CD44: variants seen among roughly 807,000 people sequenced by gnomAD.
CD44 encodes CD44 antigen.
In CD44, 49 loss-of-function variants were observed where a neutral mutation model predicts 88.8. The ratio of observed to expected loss-of-function variants is 0.55; its 90% confidence interval spans 0.44 to 0.70. The LOEUF is 0.70. Ranked by LOEUF, CD44 falls within the 30% of genes least tolerant of loss-of-function variation. The pLI, the probability that CD44 is intolerant of heterozygous loss-of-function variation, is 0.00. For missense variants in CD44, 883 were observed against 913.8 expected, an observed-to-expected ratio of 0.97 and a Z score of 0.43; for synonymous variants, 325 against 312.3, an observed-to-expected ratio of 1.04 and a Z score of -0.43.
chr11:35,140,916 G>A (rs1274865383), intron 1 of CD44, among the ~76,000 whole-genome samples: 14 of 152,008 alleles, frequency 9.2e-5, no homozygotes. Context: ...AGCTGCTTGG[G>A]ACGCTGAGGC....
intron 1 of CD44, among the ~76,000 whole-genome samples, chr11:35,154,178 G>A (rs1286798568): frequency 2.6e-5 from 4 of 152,212 alleles, no homozygotes; most frequent in East Asian, 1.9e-4. Context: ...CATTGGTTTA[G>A]AGACAAATCT....
At position 35,204,589 on chromosome 11, in the gene CD44, G is replaced by A. The variant is rs1947644515; in HGVS notation, c.1231G>A (p.Gly411Arg). 1.2e-6 allele frequency: 2 copies of A among 1,612,932 alleles called. No homozygotes were observed. Among genetic ancestry groups the A allele is most frequent in the Non-Finnish European group, 1.7e-6 (2 of 1,179,030 alleles). ...EQWFGNRWHE[G>R]YRQTPKEDSH... ...GTGGTTTGGCAACAGATGGCATGAG[G>A]GATATCGCCAAACACCCAAAGAAGA... The change falls in exon 10 of 18, where the codon GGA (glycine) becomes AGA (arginine). Residue 411 changes from glycine (G) to arginine (R), a missense_variant. Gly to Arg is a moderately radical substitution (Grantham distance 125). Coordinates refer to ENST00000428726, the MANE Select transcript of CD44 (RefSeq NM_000610.4).
chr11:35,223,126 A>G, intron 17 of CD44: 2 of 985,430 alleles, frequency 2.0e-6, no homozygotes, highest in Non-Finnish European at 2.4e-6. Flanking sequence ...AAAAGTAGTT[A>G]TGCTACCTGA....
At position 35,215,305 on chromosome 11, in the gene CD44, G is replaced by T. The variant is rs182691308; in HGVS notation, c.1873+391G>T. Among the ~76,000 whole-genome samples the T allele has an allele frequency of 2.4e-4, 37 of 152,294 alleles. 1 individual carries two copies. The East Asian group carries it at 6.2e-3, about 25-fold the overall frequency. Reference sequence around the variant, plus strand: ...AGAGCTTGAGCTTTGTAGCAAAAATGGCCTGAGTTCGATTCCAGCCCTCCG... The same window carrying T: ...AGAGCTTGAGCTTTGTAGCAAAAATTGCCTGAGTTCGATTCCAGCCCTCCG... On this transcript the variant is annotated intron_variant, in intron 15 of 17. Transcript: ENST00000428726.
At position 35,211,438 on chromosome 11, in the gene CD44, G is replaced by T. The variant is rs146578989; in HGVS notation, c.1799G>T (p.Arg600Leu). 1 of 1,612,782 alleles carries T rather than the reference G, an allele frequency of 6.2e-7. No individual in the cohort carries two copies. Among genetic ancestry groups the T allele is most frequent in the South Asian group, 1.1e-5 (1 of 91,044 alleles). Reference sequence around the variant, plus strand: ...GGAGATTCCAACTCTAATGTCAATCGTTCCTTATCAGGTAATTTGGCATTT... The same window carrying T: ...GGAGATTCCAACTCTAATGTCAATCTTTCCTTATCAGGTAATTTGGCATTT... ...TVGDSNSNVN[R>L]SLSGDQDTFH... Residue 600 changes from arginine (R) to leucine (L), a missense_variant, in exon 14 of 18, where the codon CGT becomes CTT. Coordinates refer to ENST00000428726, the MANE Select transcript of CD44 (RefSeq NM_000610.4).
chr11:35,198,917 G>A (rs1047705452), intron 7 of CD44, among the ~76,000 whole-genome samples: 3 of 147,542 alleles, frequency 2.0e-5, no homozygotes, highest in East Asian at 2.0e-4. Flanking sequence ...AGGAGATCGC[G>A]CCACTGCACT....
chr11:35,171,672 C>A (rs540541325), intron 1 of CD44, among the ~76,000 whole-genome samples: 54 of 152,202 alleles, frequency 3.5e-4, no homozygotes, highest in Non-Finnish European at 6.5e-4. Context: ...TACTTCTCAA[C>A]ATAAGCACCA....
At chr11:35,197,056 A>G in intron 6 of CD44, 182 bp downstream of exon 6, 1 of 589,326 alleles carries the variant, frequency 1.7e-6, no homozygotes, top group Middle Eastern at 4.6e-4. Context: ...CAATAAGCAG[A>G]TTTCTTCTTT....
At chr11:35,145,213 C>T (rs1263518557) in intron 1 of CD44, among the ~76,000 whole-genome samples, 1 of 152,218 alleles carries the variant, frequency 6.6e-6, no homozygotes, top group African/African-American at 2.4e-5. Flanking sequence ...CCCCTGATAA[C>T]AGGGATCATG....
chr11:35,141,407 C>T (rs1857905380), intron 1 of CD44, among the ~76,000 whole-genome samples: 3 of 152,184 alleles, frequency 2.0e-5, no homozygotes, highest in South Asian at 4.1e-4. Flanking sequence ...AAAGTGGAAA[C>T]ATTCAGGATG....
chr11:35,226,844 C>T lies in CD44; in HGVS notation c.2025-2285C>T, dbSNP rs140210363. Reference sequence around the variant, plus strand: ...TCACATAGCAGTAAGTTCTCAAAACCAGGCCTTCCGAGCCCCTTTTCTTCT... The same window carrying T: ...TCACATAGCAGTAAGTTCTCAAAACTAGGCCTTCCGAGCCCCTTTTCTTCT... On this transcript the variant is annotated intron_variant, in intron 17 of 17. Transcript: ENST00000428726. Among the ~76,000 whole-genome samples the T allele has an allele frequency of 4.5e-4, 68 of 151,154 alleles. 1 individual carries two copies. Among genetic ancestry groups the T allele is most frequent in the African/African-American group, 1.6e-3 (67 of 41,154 alleles).
chr11:35,189,940 G>A lies in CD44; in HGVS notation c.542G>A (p.Gly181Asp), dbSNP rs1946106866. ...SNPTDDDVSS[G>D]SSSERSSTSG... ...CCTACTGATGATGACGTGAGCAGCGGCTCCTCCAGTGAAAGGAGCAGCACT... is the reference window on the plus strand; with the variant it reads ...CCTACTGATGATGACGTGAGCAGCGACTCCTCCAGTGAAAGGAGCAGCACT... The change falls in exon 5 of 18, where the codon GGC becomes GAC. Residue 181 changes from glycine (G) to aspartate (D), a missense_variant. Gly to Asp is a moderately conservative substitution (Grantham distance 94, BLOSUM62 -1). Coordinates refer to ENST00000428726, the MANE Select transcript of CD44 (RefSeq NM_000610.4). The A allele has an allele frequency of 1.2e-6, 2 of 1,614,134 alleles. No homozygotes were observed. Among genetic ancestry groups the A allele is most frequent in the South Asian group, 1.1e-5 (1 of 91,070 alleles).
At chr11:35,162,623 C>T (rs1025087753) in intron 1 of CD44, among the ~76,000 whole-genome samples, 17 of 152,180 alleles carry the variant, frequency 1.1e-4, no homozygotes, top group South Asian at 2.1e-4. Context: ...TGAGATTTCA[C>T]GGATTGAAAG....
rs574476713 is a variant in CD44, at chr11:35,198,454, C to T, written c.922+208C>T. The T allele has an allele frequency of 8.7e-4, 455 of 520,728 alleles. 1 individual carries two copies. Among genetic ancestry groups the T allele is most frequent in the African/African-American group, 7.5e-3 (393 of 52,670 alleles). The allele number at this position is 520,728 out of a possible 1,614,324, so 32.3% of individuals were successfully genotyped here. ...AAATATCTCACAAAATTTCTCTTGT[C>T]TCATGTTCTTCCTGTTTTATTTATC... On this transcript the variant is annotated intron_variant, in intron 7 of 17. Transcript: ENST00000428726.
At chr11:35,208,275 C>G in intron 12 of CD44, 69 bp downstream of exon 12, 1 of 1,049,594 alleles carries the variant, frequency 9.5e-7, no homozygotes, top group Non-Finnish European at 1.5e-6. Context: ...CGCTATTGGC[C>G]AAGATGCAGA....
Position 35,196,595 on chromosome 11 carries a change from G to A in CD44, c.668-151G>A, listed in dbSNP as rs190960843. The stretch of plus-strand genomic sequence containing the variant: ...TCAGTTTGAGTCTCTGAAAAAAATG[G>A]AACTTTTTTGCTTTTTCCCTTTCTT... On this transcript the variant is annotated intron_variant, in intron 5 of 17. Coordinates refer to ENST00000428726, the MANE Select transcript of CD44 (RefSeq NM_000610.4). 2.1e-4 allele frequency: 163 copies of A among 766,800 alleles called. 1 individual carries two copies. Among genetic ancestry groups the A allele is most frequent in the Admixed American group, 1.4e-3 (47 of 33,104 alleles). The allele number at this position is 766,800 out of a possible 1,614,324, so 47.5% of individuals were successfully genotyped here.
intron 14 of CD44, among the ~76,000 whole-genome samples, chr11:35,211,783 A>G (rs1270357931): frequency 2.0e-5 from 3 of 151,994 alleles, no homozygotes; most frequent in African/African-American, 7.3e-5. Flanking sequence ...AACCACATGA[A>G]ACTGATATTT....
intron 15 of CD44, among the ~76,000 whole-genome samples, chr11:35,215,689 C>T (rs936828356): frequency 1.1e-4 from 17 of 151,846 alleles, no homozygotes; most frequent in African/African-American, 4.1e-4. Context: ...CGAGACCAGC[C>T]TGGCCAACCC....
chr11:35,147,509 G>A (rs568506061), intron 1 of CD44, among the ~76,000 whole-genome samples: 18 of 152,260 alleles, frequency 1.2e-4, no homozygotes, highest in African/African-American at 4.3e-4. Context: ...ACCCAGGAAG[G>A]GAGGAGGCAA....
Sources: allele counts gnomAD v4.1 joint callset (sites outside exome capture counted in the v4.1 genomes callset), GRCh38; gene constraint gnomAD v4.1.1; transcripts MANE v1.5; gene names NCBI Gene and HGNC (gene_info 2026-07-23, HGNC 2026-07-21).